Variants in FAM185A observed in about 807,000 individuals in gnomAD.
FAM185A encodes protein FAM185A.
Under a neutral mutation model 45.7 loss-of-function variants are expected in FAM185A, and 21 were observed. The ratio of observed to expected loss-of-function variants is 0.46; its 90% CI spans 0.33 to 0.66. The LOEUF is 0.66. FAM185A is among the 30% of genes least tolerant of loss of function. FAM185A has a pLI of 0.03. For synonymous variants in FAM185A, 117 were observed against 194.0 expected (o/e 0.60, Z 3.30); for missense variants, 305 against 485.4 (o/e 0.63, Z 3.49).
At chr7:102,793,033 G>T (rs1222217292) in intron 7 of FAM185A, among the ~76,000 whole-genome samples, 4 of 152,206 alleles carry the variant, frequency 2.6e-5, no homozygotes, top group Admixed American at 1.3e-4. Context: ...GTTTTTCAAA[G>T]CTTAGAGCAC....
the FAM185A span, chr7:102,814,324 C>T: frequency 1.3e-5 from 2 of 152,010 alleles, no homozygotes; most frequent in Non-Finnish European, 2.9e-5. Context: ...CCACTCTTGC[C>T]GTATGTTACC....
At chr7:102,829,835 G>GGCTCA in the FAM185A span, among the ~76,000 whole-genome samples, 2 of 152,044 alleles carry the variant, frequency 1.3e-5, no homozygotes, top group African/African-American at 4.8e-5. Flanking sequence ...TGTGTTTTAC[G>GGCTCA]GCTCATCAAA....
At chr7:102,823,200 A>T in the FAM185A span, among the ~76,000 whole-genome samples, 1 of 152,202 alleles carries the variant, frequency 6.6e-6, no homozygotes, top group African/African-American at 2.4e-5. Context: ...AACTTATGAA[A>T]TGCTATAGAG....
intron 5 of FAM185A, among the ~76,000 whole-genome samples, chr7:102,776,715 A>AAAAAAG (rs913279074): frequency 9.9e-5 from 15 of 151,394 alleles, no homozygotes; most frequent in African/African-American, 3.2e-4. Context: ...AAAAAAAAAA[A>AAAAAAG]AAAAGAAAAA....
chr7:102,780,777 C>T (rs1584321009), intron 6 of FAM185A, among the ~76,000 whole-genome samples: 1 of 152,184 alleles, frequency 6.6e-6, no homozygotes, highest in East Asian at 1.9e-4. Flanking sequence ...ACTGAGGTAC[C>T]AGGTTCATCT....
the FAM185A span, among the ~76,000 whole-genome samples, chr7:102,819,278 T>C: frequency 6.6e-6 from 1 of 152,168 alleles, no homozygotes; most frequent in Non-Finnish European, 1.5e-5. Flanking sequence ...CTGATCATAG[T>C]TGTTACTTAT....
intron 4 of FAM185A, among the ~76,000 whole-genome samples, chr7:102,770,056 G>A (rs529580534): frequency 2.0e-5 from 3 of 152,260 alleles, no homozygotes; most frequent in Admixed American, 6.5e-5. Flanking sequence ...AGAGAATGCT[G>A]AGTATGGAAA....
At chr7:102,787,617 T>G (rs1270443460) in intron 7 of FAM185A, 148 bp downstream of exon 7, 5 of 802,404 alleles carry the variant, frequency 6.2e-6, no homozygotes, top group Non-Finnish European at 8.8e-6. Flanking sequence ...TTCTAGTTGC[T>G]TATCATTAAT....
the FAM185A span, among the ~76,000 whole-genome samples, chr7:102,839,272 C>T: frequency 0.21 from 32,030 of 152,100 alleles, 3,977 homozygotes; most frequent in East Asian, 0.59. Context: ...TTCTCCCCAC[C>T]ATCACCCTGC....
intron 7 of FAM185A, among the ~76,000 whole-genome samples, chr7:102,788,098 G>A (rs556269809): frequency 6.6e-6 from 1 of 152,206 alleles, no homozygotes; most frequent in Non-Finnish European, 1.5e-5. Context: ...CTGAGTAGCT[G>A]GGACTACAGG....
At chr7:102,812,664 T>C (rs1184449582), downstream of FAM185A, among the ~76,000 whole-genome samples, 1 of 152,160 alleles carries the variant, frequency 6.6e-6, no homozygotes, top group African/African-American at 2.4e-5. Context: ...TAGTTTGACA[T>C]ATGGCCATCT....
Position 102,749,516 on chromosome 7 carries a change from C to CGCGGTGTGCGGCGTGGAGG in FAM185A, c.314_332dup (p.Gly114ArgfsTer27), listed in dbSNP as rs1793213920. 1 of 1,522,660 alleles carries CGCGGTGTGCGGCGTGGAGG rather than the reference C, an allele frequency of 6.6e-7. No homozygotes were observed. The highest frequency in any genetic ancestry group is 1.3e-5 in the South Asian group (1 of 78,732). 94.3% of individuals were successfully genotyped at this position (1,522,660 alleles called of 1,614,324 possible). ...ACCCGGATGGCGACCGCGTGCTGGT[C>CGCGGTGTGCGGCGTGGAGG]GCGGTGTGCGGCGTGGAGGGCGGCG... On this transcript the variant is annotated frameshift_variant, in exon 1 of 8. Transcript: ENST00000413034. LOFTEE classifies it high-confidence loss of function.
the FAM185A span, among the ~76,000 whole-genome samples, chr7:102,847,103 A>G: frequency 6.6e-6 from 1 of 152,158 alleles, no homozygotes; most frequent in Non-Finnish European, 1.5e-5. Flanking sequence ...CATATTGTCT[A>G]TGGCTGTTTC....
chr7:102,815,772 C>G, the FAM185A span, among the ~76,000 whole-genome samples: 2 of 151,886 alleles, frequency 1.3e-5, no homozygotes, highest in Non-Finnish European at 2.9e-5. Context: ...AGGATAAGTA[C>G]TACTAATGAT....
chr7:102,843,033 T>G, the FAM185A span, among the ~76,000 whole-genome samples: 3 of 152,250 alleles, frequency 2.0e-5, no homozygotes, highest in Non-Finnish European at 2.9e-5. Flanking sequence ...CCTCCTTTTC[T>G]ATTTGTAAAT....
the FAM185A span, among the ~76,000 whole-genome samples, chr7:102,830,792 G>C: frequency 1.2e-3 from 185 of 152,312 alleles, 1 homozygote; most frequent in Middle Eastern, 3.4e-3. Flanking sequence ...GAACACGATT[G>C]TTAATAACCT....
At chr7:102,804,523 AAAATC>A (rs1438335351) in intron 7 of FAM185A, among the ~76,000 whole-genome samples, 1 of 152,270 alleles carries the variant, frequency 6.6e-6, no homozygotes, top group African/African-American at 2.4e-5. Flanking sequence ...ACCTTATACA[AAAATC>A]AACTCAAGAT....
the FAM185A span, among the ~76,000 whole-genome samples, chr7:102,831,005 A>G: frequency 2.0e-5 from 3 of 152,120 alleles, no homozygotes; most frequent in East Asian, 1.9e-4. Flanking sequence ...ACGCATCTCT[A>G]TTGTAAGCTT....
intron 6 of FAM185A, 112 bp from the exon 7 acceptor site, chr7:102,787,223 G>C: frequency 1.1e-6 from 1 of 932,622 alleles, no homozygotes; most frequent in Non-Finnish European, 1.5e-6. Flanking sequence ...TGTATGCTGA[G>C]GAGTAAAAAC....
Sources: gnomAD v4.1 joint callset for allele counts (sites outside exome capture counted in the v4.1 genomes callset) on GRCh38, gnomAD v4.1.1 for gene constraint, MANE v1.5 for transcripts, NCBI Gene and HGNC (gene_info 2026-07-23, HGNC 2026-07-21) for gene names.